The following THSD4 variants were observed in gnomAD, a reference collection of about 807,000 sequenced individuals.
THSD4 encodes thrombospondin type-1 domain-containing protein 4.
Under a neutral mutation model 119.0 loss-of-function variants are expected in THSD4, and 69 were observed. That is an observed-to-expected ratio of 0.58 (90% CI 0.48 to 0.71). The LOEUF is 0.71. THSD4 is among the 30% of genes least tolerant of loss of function. The pLI, the probability that THSD4 is intolerant of heterozygous loss-of-function variation, is 0.00. For synonymous variants in THSD4, 524 were observed against 540.4 expected, an observed-to-expected ratio of 0.97 and a Z score of 0.42; for missense variants, 1,393 against 1,391.1, an observed-to-expected ratio of 1.00 and a Z score of -0.02.
chr15:71,726,978 T>C (rs1010774681), intron 8 of THSD4, among the ~76,000 whole-genome samples: 3 of 152,022 alleles, frequency 2.0e-5, no homozygotes, highest in African/African-American at 7.3e-5. Context: ...CAGTCCTCCT[T>C]TGGATTGTGG....
rs533879754 is a variant in THSD4 at position 71,642,415 on chromosome 15, A to G, written c.1153-18115A>G. ...GGCGATTCCTCAGGGATCTAGAACTAGAAATACCATTTGACCCAGCCATCC... is the reference window on the plus strand; with the variant it reads ...GGCGATTCCTCAGGGATCTAGAACTGGAAATACCATTTGACCCAGCCATCC... On this transcript the variant is annotated intron_variant, in intron 7 of 17. Coordinates refer to ENST00000261862, the MANE Select transcript of THSD4 (RefSeq NM_024817.3). 3.2e-3 allele frequency among the ~76,000 whole-genome samples: 490 copies of G among 152,280 alleles called. 2 individuals are homozygous for G. The highest frequency in any genetic ancestry group is 0.011 in the African/African-American group (465 of 41,548).
intron 1 of THSD4, among the ~76,000 whole-genome samples, chr15:71,138,882 G>GTGTT (rs1161196348): frequency 6.6e-6 from 1 of 151,896 alleles, no homozygotes; most frequent in African/African-American, 2.4e-5. Context: ...GTGTGAGTGT[G>GTGTT]TGTGTGTGTG....
At chr15:71,421,213 G>GTGTATAAT (rs1236941860) in intron 7 of THSD4, among the ~76,000 whole-genome samples, 1 of 82,640 alleles carries the variant, frequency 1.2e-5, no homozygotes, top group African/African-American at 4.0e-5. Flanking sequence ...ACCACAATTA[G>GTGTATAAT]TGTATAATAT....
intron 4 of THSD4, 65 bp from the exon 5 acceptor site, chr15:71,242,584 G>A (rs2044162164): frequency 6.5e-7 from 1 of 1,543,072 alleles, no homozygotes; most frequent in South Asian, 1.2e-5. Flanking sequence ...ACGGACCAGA[G>A]CTTCTGAGTT....
At chr15:71,383,877 T>TA (rs1470377107) in intron 6 of THSD4, among the ~76,000 whole-genome samples, 1 of 152,214 alleles carries the variant, frequency 6.6e-6, no homozygotes, top group African/African-American at 2.4e-5. Flanking sequence ...GTACGTAGTT[T>TA]ATATAATACG....
At chr15:71,294,849 A>G (rs1409259621) in intron 6 of THSD4, among the ~76,000 whole-genome samples, 2 of 150,550 alleles carry the variant, frequency 1.3e-5, no homozygotes, top group Non-Finnish European at 3.0e-5. Flanking sequence ...CCAGTATTTG[A>G]TGCGTCGGTG....
chr15:71,507,758 G>A (rs2048212695), intron 7 of THSD4, among the ~76,000 whole-genome samples: 1 of 152,140 alleles, frequency 6.6e-6, no homozygotes, highest in African/African-American at 2.4e-5. Flanking sequence ...ATGTTACTTT[G>A]AGTTGTCTTT....
intron 3 of THSD4, among the ~76,000 whole-genome samples, chr15:71,170,047 G>T (rs767235911): frequency 1.3e-5 from 2 of 152,172 alleles, no homozygotes; most frequent in Non-Finnish European, 2.9e-5. Context: ...GATGGTGAGT[G>T]CCTGTAATCC....
intron 7 of THSD4, among the ~76,000 whole-genome samples, chr15:71,435,918 T>C (rs191754221): frequency 3.9e-5 from 6 of 152,218 alleles, no homozygotes; most frequent in African/African-American, 7.2e-5. Flanking sequence ...CTTGGCACAT[T>C]TGGGGAGAAA....
intron 14 of THSD4, among the ~76,000 whole-genome samples, chr15:71,756,682 G>T (rs947697307): frequency 5.9e-5 from 9 of 152,204 alleles, no homozygotes; most frequent in Non-Finnish European, 1.5e-5. Context: ...GGAGGCTGAG[G>T]TGGGAGGATC....
At chr15:71,730,384 A>C (rs1308556758) in intron 9 of THSD4, 1 of 152,178 alleles carries the variant, frequency 6.6e-6, no homozygotes, top group Admixed American at 6.5e-5. Flanking sequence ...TGGGCAGCAA[A>C]GACTGTGTGC....
chr15:71,732,684 G>A (rs1464184776), intron 10 of THSD4: 1 of 152,186 alleles, frequency 6.6e-6, no homozygotes, highest in Non-Finnish European at 1.5e-5. Flanking sequence ...TAAGAGTAAG[G>A]AAATGGAAGC....
intron 10 of THSD4, among the ~76,000 whole-genome samples, chr15:71,736,636 G>GCT (rs1438381278): frequency 1.3e-5 from 2 of 149,898 alleles, no homozygotes; most frequent in African/African-American, 2.5e-5. Flanking sequence ...TCTCTCACTT[G>GCT]CTCTCTCTCT....
At chr15:71,761,313 G>C (rs1177960194) in intron 15 of THSD4, among the ~76,000 whole-genome samples, 3 of 152,044 alleles carry the variant, frequency 2.0e-5, no homozygotes, top group African/African-American at 7.2e-5. Flanking sequence ...CAAGTTATCA[G>C]TGACCACATC....
intron 7 of THSD4, among the ~76,000 whole-genome samples, chr15:71,473,722 A>G (rs1465902756): frequency 6.6e-6 from 1 of 152,154 alleles, no homozygotes; most frequent in Non-Finnish European, 1.5e-5. Flanking sequence ...GGTGCTGTTG[A>G]AAAAAGGGAC....
rs1255480401 is a variant in THSD4, at chr15:71,192,084, A to T, written c.100-22951A>T. Among the ~76,000 whole-genome samples the T allele has an allele frequency of 2.0e-5, 3 of 151,606 alleles. No individual in the cohort carries two copies. In the East Asian group the frequency reaches 5.9e-4, roughly 30 times the overall value. ...TGCCCAGCTAATTTTTTGTATTTTT[A>T]GTAGAGACGGGGTTTCACCATGTTG... is the stretch of plus-strand genomic sequence containing the variant. On this transcript the variant is annotated intron_variant, in intron 3 of 17. Coordinates refer to ENST00000261862, the MANE Select transcript of THSD4 (RefSeq NM_024817.3).
In THSD4 at chr15:71,528,483, A is replaced by G. The variant is rs529580650; in HGVS notation, c.1152+116660A>G. Among the ~76,000 whole-genome samples the G allele has an allele frequency of 2.0e-5, 3 of 152,200 alleles. 1 individual carries two copies. The South Asian group carries it at 6.2e-4, about 32-fold the overall frequency. On this transcript the variant is annotated intron_variant, in intron 7 of 17. Coordinates refer to ENST00000261862, the MANE Select transcript of THSD4 (RefSeq NM_024817.3). ...CAAAGTGTAACTCATTACTACTGCA[A>G]CCTTTAGTAGAGTTGTCCACTTCTG... is the stretch of plus-strand genomic sequence containing the variant.
At chr15:71,189,219 C>T (rs571964499) in intron 3 of THSD4, among the ~76,000 whole-genome samples, 47 of 152,278 alleles carry the variant, frequency 3.1e-4, no homozygotes, top group African/African-American at 1.1e-3. Context: ...CATTGTTGAG[C>T]ACCTTGCCAG....
intron 16 of THSD4, 70 bp from the exon 17 acceptor site, chr15:71,770,992 GTC>G: frequency 6.4e-7 from 1 of 1,554,166 alleles, no homozygotes; most frequent in Non-Finnish European, 8.7e-7. Flanking sequence ...ATTTTCCAGT[GTC>G]TTCTTTCTCC....
Sources: gnomAD v4.1 joint callset for allele counts (sites outside exome capture counted in the v4.1 genomes callset) on GRCh38, gnomAD v4.1.1 for gene constraint, MANE v1.5 for transcripts, NCBI Gene and HGNC (gene_info 2026-07-23, HGNC 2026-07-21) for gene names.